EMC8: variants seen among roughly 807,000 people sequenced by gnomAD.
The protein encoded by EMC8 is ER membrane protein complex subunit 8.
EMC8 carries 11 observed loss-of-function variants against 24.3 expected under a neutral mutation model. That is an observed-to-expected ratio of 0.45 (90% CI 0.28 to 0.75). EMC8 has a LOEUF of 0.75. Ranked by LOEUF, EMC8 falls within the 30% of genes least tolerant of loss-of-function variation. The probability of loss-of-function intolerance (pLI) is 0.12; values close to 1 mark genes in which losing one functional copy is unlikely to be tolerated. For synonymous variants in EMC8, 145 were observed against 117.7 expected (o/e 1.23, Z -1.50); for missense variants, 277 against 282.7 (o/e 0.98, Z 0.14).
At chr16:85,798,199 G>GC (rs1263466500) in intron 1 of EMC8, among the ~76,000 whole-genome samples, 2 of 129,472 alleles carry the variant, frequency 1.5e-5, no homozygotes, top group Non-Finnish European at 3.1e-5. Context: ...TCGGCTCACT[G>GC]CAACCTCTGC....
At chr16:85,784,739 G>A (rs1284577701) in intron 2 of EMC8, 1 of 152,142 alleles carries the variant, frequency 6.6e-6, no homozygotes. Flanking sequence ...GCCTGCCCAT[G>A]TACCCACCTC....
At chr16:85,796,074 G>C (rs1425350908) in intron 1 of EMC8, among the ~76,000 whole-genome samples, 1 of 152,136 alleles carries the variant, frequency 6.6e-6, no homozygotes, top group Admixed American at 6.5e-5. Context: ...GGCTTCAGAA[G>C]TCACCGGCAC....
At chr16:85,798,114 G>GT (rs1163747067) in intron 1 of EMC8, among the ~76,000 whole-genome samples, 1,304 of 72,156 alleles carry the variant, frequency 0.018, 83 homozygotes, top group Admixed American at 0.066. Context: ...ACAGAAATTC[G>GT]TTTTTTTTTT....
At chr16:85,782,382 GAGC>G (rs1382873513) in intron 2 of EMC8, among the ~76,000 whole-genome samples, 1 of 152,130 alleles carries the variant, frequency 6.6e-6, no homozygotes, top group Non-Finnish European at 1.5e-5. Context: ...GCTAATAATA[GAGC>G]AGCTCCTCCA....
chr16:85,789,892 C>T (rs1279260426), intron 1 of EMC8, among the ~76,000 whole-genome samples: 1 of 152,042 alleles, frequency 6.6e-6, no homozygotes, highest in Non-Finnish European at 1.5e-5. Flanking sequence ...GTAAAGAGGT[C>T]CCAAGTTAGG....
intron 3 of EMC8, 22 bp from the exon 4 acceptor site, chr16:85,780,495 C>G (rs1242060871): frequency 1.9e-6 from 3 of 1,581,322 alleles, no homozygotes; most frequent in Non-Finnish European, 8.7e-7. Flanking sequence ...GCAAAGGACA[C>G]GAGAGTGAAC....
intron 2 of EMC8, among the ~76,000 whole-genome samples, chr16:85,787,890 C>A (rs1227268599): frequency 2.0e-5 from 3 of 152,216 alleles, no homozygotes; most frequent in Admixed American, 2.0e-4. Context: ...ATCAGAAACA[C>A]TGGTGCCTCA....
At chr16:85,790,124 C>A (rs1446036469) in intron 1 of EMC8, among the ~76,000 whole-genome samples, 1 of 150,740 alleles carries the variant, frequency 6.6e-6, no homozygotes, top group African/African-American at 2.4e-5. Context: ...TCAGTCTGCA[C>A]AAGAGGAAAC....
At chr16:85,794,679 A>C (rs960831916) in intron 1 of EMC8, among the ~76,000 whole-genome samples, 1 of 152,046 alleles carries the variant, frequency 6.6e-6, no homozygotes, top group African/African-American at 2.4e-5. Context: ...ACAGAGTGAG[A>C]CTCCATCTCG....
At chr16:85,785,687 C>G (rs115719722) in intron 2 of EMC8, among the ~76,000 whole-genome samples, 1 of 152,350 alleles carries the variant, frequency 6.6e-6, no homozygotes, top group East Asian at 1.9e-4. Flanking sequence ...TACTGATCCA[C>G]TTGATCCTGA....
At chr16:85,783,230 G>C (rs1383759268) in intron 2 of EMC8, among the ~76,000 whole-genome samples, 1 of 152,206 alleles carries the variant, frequency 6.6e-6, no homozygotes, top group East Asian at 1.9e-4. Context: ...TTGAACCCGG[G>C]AGGCGGGGGT....
At position 85,779,443 on chromosome 16, in the gene EMC8, G is replaced by C. The variant is rs1904385791; in HGVS notation, c.*265C>G. ...TAATAGGAACAATCTTGCACAAGCA[G>C]AAAGAGCTTTGATTTGGAGGATTAT... On this transcript the variant is annotated 3_prime_UTR_variant, in exon 5 of 5. Coordinates refer to ENST00000253457, the MANE Select transcript of EMC8 (RefSeq NM_006067.5). The C allele has an allele frequency of 2.9e-6, 1 of 348,878 alleles. No homozygotes were observed. Among genetic ancestry groups the C allele is most frequent in the African/African-American group, 2.1e-5 (1 of 48,678 alleles). 21.6% of individuals were successfully genotyped at this position (348,878 alleles called of 1,614,324 possible).
chr16:85,785,222 C>A (rs1904698503), intron 2 of EMC8, among the ~76,000 whole-genome samples: 1 of 152,200 alleles, frequency 6.6e-6, no homozygotes, highest in East Asian at 1.9e-4. Context: ...GCTGGGATTA[C>A]AGGTGTGATC....
At chr16:85,789,518 A>AC (rs1432598068) in intron 1 of EMC8, among the ~76,000 whole-genome samples, 2 of 152,200 alleles carry the variant, frequency 1.3e-5, no homozygotes, top group Admixed American at 1.3e-4. Context: ...TAGGCCAGGC[A>AC]CAGTGGCTCA....
At chr16:85,780,758 G>T (rs1359927535) in intron 3 of EMC8, 2 of 506,266 alleles carry the variant, frequency 4.0e-6, no homozygotes, top group African/African-American at 3.8e-5. Flanking sequence ...TGTTCAGCAA[G>T]GCCCTTGATG....
At chr16:85,791,086 C>T (rs1171143028) in intron 1 of EMC8, among the ~76,000 whole-genome samples, 1 of 151,992 alleles carries the variant, frequency 6.6e-6, no homozygotes, top group Non-Finnish European at 1.5e-5. Context: ...CCTTGGCCTC[C>T]CAAAGTGCTG....
chr16:85,793,292 G>A lies in EMC8; in HGVS notation c.232-4242C>T, dbSNP rs542611377. 2.6e-5 allele frequency among the ~76,000 whole-genome samples: 4 copies of A among 152,368 alleles called. No individual in the cohort carries two copies. In the East Asian group the frequency reaches 7.7e-4, roughly 29 times the overall value. Reference sequence around the variant, plus strand: ...ACAACTTGCCACTTACCAACAAGATGAGGGTAACCTGCTGAGCCTTCCTAT... The same window carrying A: ...ACAACTTGCCACTTACCAACAAGATAAGGGTAACCTGCTGAGCCTTCCTAT... On this transcript the variant is annotated intron_variant, in intron 1 of 4. Coordinates refer to ENST00000253457, the MANE Select transcript of EMC8 (RefSeq NM_006067.5).
Position 85,799,339 on chromosome 16 carries a change from G to A in EMC8, c.-44C>T. 7.6e-7 allele frequency: 1 copy of A among 1,319,288 alleles called. No homozygotes were observed. Among genetic ancestry groups the A allele is most frequent in the Non-Finnish European group, 1.0e-6 (1 of 987,280 alleles). The allele number at this position is 1,319,288 out of a possible 1,614,324, so 81.7% of individuals were successfully genotyped here. Reference sequence around the variant, plus strand: ...CGGAGGCCCCTGGGCGCGCGGCTGAGGCCTGGACCCGCTGCCTGGCCGCGC... The same window carrying A: ...CGGAGGCCCCTGGGCGCGCGGCTGAAGCCTGGACCCGCTGCCTGGCCGCGC... On this transcript the variant is annotated 5_prime_UTR_variant, in exon 1 of 5. Coordinates refer to ENST00000253457, the MANE Select transcript of EMC8 (RefSeq NM_006067.5). The surrounding 1 kb of genome is among the most constrained non-coding windows in gnomAD (Gnocchi z 4.2).
At chr16:85,782,071 C>A (rs1448093921) in intron 2 of EMC8, among the ~76,000 whole-genome samples, 3 of 152,194 alleles carry the variant, frequency 2.0e-5, no homozygotes, top group African/African-American at 7.2e-5. Flanking sequence ...TAACGGAAGG[C>A]TCCCAGGAAG....
Sources: allele counts gnomAD v4.1 joint callset (sites outside exome capture counted in the v4.1 genomes callset), GRCh38; gene constraint gnomAD v4.1.1; non-coding constraint Gnocchi (gnomAD v3.1); transcripts MANE v1.5; gene names NCBI Gene and HGNC (gene_info 2026-07-23, HGNC 2026-07-21).